The following ST8SIA6 variants were observed in gnomAD, a reference collection of about 807,000 sequenced individuals.
ST8SIA6 encodes the protein ST8 alpha-N-acetyl-neuraminide alpha-2,8-sialyltransferase 6.
Under a neutral mutation model 33.6 loss-of-function variants are expected in ST8SIA6, and 39 were observed. That is an observed-to-expected ratio of 1.16 (90% CI 0.90 to 1.52). ST8SIA6 has a LOEUF of 1.52. Among genes scored for constraint, ST8SIA6 ranks in the 40% most tolerant of loss-of-function variants. The pLI, the probability that ST8SIA6 is intolerant of heterozygous loss-of-function variation, is 0.00. For missense variants in ST8SIA6, 441 were observed against 443.8 expected, an observed-to-expected ratio of 0.99 and a Z score of 0.06; for synonymous variants, 172 against 167.2, an observed-to-expected ratio of 1.03 and a Z score of -0.22.
intron 2 of ST8SIA6, among the ~76,000 whole-genome samples, chr10:17,402,767 CTTG>C (rs964895569): frequency 2.7e-5 from 4 of 150,898 alleles, no homozygotes; most frequent in African/African-American, 7.3e-5. Flanking sequence ...CACACCGGGG[CTTG>C]TTGTTGGGGT....
At chr10:17,451,014 T>C (rs1217005491) in intron 2 of ST8SIA6, among the ~76,000 whole-genome samples, 1 of 152,224 alleles carries the variant, frequency 6.6e-6, no homozygotes, top group African/African-American at 2.4e-5. Flanking sequence ...CTCCACAATG[T>C]GTTAACTCTG....
intron 3 of ST8SIA6, among the ~76,000 whole-genome samples, chr10:17,365,521 C>T (rs565387472): frequency 1.3e-5 from 2 of 152,258 alleles, no homozygotes; most frequent in East Asian, 3.9e-4. Context: ...GCTATGAAAT[C>T]TCACATCATC....
intron 2 of ST8SIA6, among the ~76,000 whole-genome samples, chr10:17,441,782 A>C (rs1852503370): frequency 6.6e-6 from 1 of 152,200 alleles, no homozygotes; most frequent in Admixed American, 6.5e-5. Flanking sequence ...ATTTATTAAA[A>C]AGACTTATCT....
At chr10:17,375,577 T>C (rs1849887208) in intron 3 of ST8SIA6, among the ~76,000 whole-genome samples, 2 of 152,248 alleles carry the variant, frequency 1.3e-5, no homozygotes, top group African/African-American at 4.8e-5. Flanking sequence ...TGATTTTAAG[T>C]GGTACAGCAT....
chr10:17,419,061 C>CT (rs1851698402), intron 2 of ST8SIA6, among the ~76,000 whole-genome samples: 1 of 145,928 alleles, frequency 6.9e-6, no homozygotes, highest in South Asian at 2.2e-4. Flanking sequence ...CAAAATAAAT[C>CT]TTTATCTTCC....
intron 2 of ST8SIA6, among the ~76,000 whole-genome samples, chr10:17,395,065 A>G (rs1413061184): frequency 6.6e-6 from 1 of 152,104 alleles, no homozygotes; most frequent in Non-Finnish European, 1.5e-5. Flanking sequence ...GTCGGAGATA[A>G]TTGAATCACG....
chr10:17,402,587 T>C (rs1347114754), intron 2 of ST8SIA6, among the ~76,000 whole-genome samples: 3 of 152,212 alleles, frequency 2.0e-5, no homozygotes, highest in Non-Finnish European at 4.4e-5. Context: ...TGGAATACTA[T>C]GCAGCTATAA....
At chr10:17,341,976 C>T (rs542642895) in intron 4 of ST8SIA6, among the ~76,000 whole-genome samples, 1 of 150,136 alleles carries the variant, frequency 6.7e-6, no homozygotes, top group East Asian at 2.0e-4. Context: ...CAGAAGAGGG[C>T]ACTCACCAGA....
At chr10:17,406,484 C>A (rs964687934) in intron 2 of ST8SIA6, among the ~76,000 whole-genome samples, 22 of 152,186 alleles carry the variant, frequency 1.4e-4, no homozygotes, top group African/African-American at 4.6e-4. Context: ...CTTTGAGTTA[C>A]TTTTCTCCCA....
chr10:17,327,043 A>T lies in ST8SIA6; in HGVS notation c.606T>A (p.Thr202=). The change falls in exon 6 of 8, where the codon ACT becomes ACA. Residue 202 remains threonine (T), a synonymous_variant. Coordinates refer to ENST00000377602, the MANE Select transcript of ST8SIA6 (RefSeq NM_001004470.3). The part of the protein sequence containing the change: ...GGILNKSLCG[T]EIDKSDFVFR... The stretch of plus-strand genomic sequence containing the variant: ...AAACGAAGTCGGATTTATCTATTTC[A>T]GTTCCACAGAGAGACTTATTCAGAA... 2.5e-6 allele frequency: 4 copies of T among 1,607,616 alleles called. No homozygotes were observed. The highest frequency in any genetic ancestry group is 3.4e-6 in the Non-Finnish European group (4 of 1,177,542).
chr10:17,430,183 A>T (rs563809007), intron 2 of ST8SIA6, among the ~76,000 whole-genome samples: 1 of 152,320 alleles, frequency 6.6e-6, no homozygotes, highest in East Asian at 1.9e-4. Context: ...TACTTCATTA[A>T]GAATAATGGC....
At chr10:17,348,365 T>G (rs1848918854) in intron 4 of ST8SIA6, among the ~76,000 whole-genome samples, 1 of 152,170 alleles carries the variant, frequency 6.6e-6, no homozygotes, top group Non-Finnish European at 1.5e-5. Context: ...AAACATTTCT[T>G]AAGGGAAATG....
intron 3 of ST8SIA6, among the ~76,000 whole-genome samples, chr10:17,374,158 T>A (rs1286240289): frequency 6.6e-6 from 1 of 150,704 alleles, no homozygotes; most frequent in Non-Finnish European, 1.5e-5. Context: ...ACAGATTGCG[T>A]GACTTTGAAC....
chr10:17,333,335 C>T (rs544430797), intron 4 of ST8SIA6, among the ~76,000 whole-genome samples: 63 of 151,934 alleles, frequency 4.1e-4, no homozygotes, highest in Admixed American at 5.2e-4. Context: ...TTTATAGAGT[C>T]AATGCTATTC....
At chr10:17,418,143 G>A (rs1056424299) in intron 2 of ST8SIA6, among the ~76,000 whole-genome samples, 9 of 152,256 alleles carry the variant, frequency 5.9e-5, no homozygotes, top group African/African-American at 2.2e-4. Context: ...ACTGCAGCCT[G>A]GAGCTCCTGG....
chr10:17,322,875 C>G (rs1235567762), intron 7 of ST8SIA6, among the ~76,000 whole-genome samples, 190 bp downstream of exon 7: 1 of 152,126 alleles, frequency 6.6e-6, no homozygotes, highest in African/African-American at 2.4e-5. Flanking sequence ...ACAACTGAAT[C>G]ATAACTCTTA....
intron 2 of ST8SIA6, among the ~76,000 whole-genome samples, chr10:17,406,471 C>G (rs1851263263): frequency 6.6e-6 from 1 of 152,212 alleles, no homozygotes; most frequent in African/African-American, 2.4e-5. Flanking sequence ...CTTAAAGCCA[C>G]TGCTTTGAGT....
intron 2 of ST8SIA6, among the ~76,000 whole-genome samples, chr10:17,443,347 A>G (rs1177401410): frequency 6.6e-6 from 1 of 152,238 alleles, no homozygotes; most frequent in Admixed American, 6.5e-5. Context: ...GCTTCTAAAG[A>G]CAGCATTCCA....
At chr10:17,441,681 G>A (rs1852500209) in intron 2 of ST8SIA6, among the ~76,000 whole-genome samples, 1 of 151,748 alleles carries the variant, frequency 6.6e-6, no homozygotes, top group Non-Finnish European at 1.5e-5. Flanking sequence ...AACTATCCTC[G>A]CTCCACCATC....
Sources: allele counts gnomAD v4.1 joint callset (sites outside exome capture counted in the v4.1 genomes callset), GRCh38; gene constraint gnomAD v4.1.1; transcripts MANE v1.5; gene names NCBI Gene and HGNC (gene_info 2026-07-23, HGNC 2026-07-21).